The following AAGAB variants were observed in gnomAD, a reference collection of about 807,000 sequenced individuals.
AAGAB encodes alpha and gamma adaptin binding protein, also known as alpha- and gamma-adaptin-binding protein p34.
In AAGAB, 38 loss-of-function variants were observed where a neutral mutation model predicts 44.1. The observed-to-expected ratio is 0.86, with a 90% confidence interval of 0.67 to 1.13. AAGAB has a LOEUF of 1.13. Ranked by LOEUF, AAGAB falls within the 50% of genes most tolerant of loss-of-function variation. The pLI, the probability that AAGAB is intolerant of heterozygous loss-of-function variation, is 0.00. For missense variants in AAGAB, 450 were observed against 373.8 expected (o/e 1.20, Z -1.68); for synonymous variants, 131 against 131.8 (o/e 0.99, Z 0.04).
At chr15:67,216,834 T>C (rs1478334985) in intron 5 of AAGAB, among the ~76,000 whole-genome samples, 24 of 151,944 alleles carry the variant, frequency 1.6e-4, no homozygotes, top group Non-Finnish European at 7.4e-5. Flanking sequence ...AAGAAAGTAC[T>C]AAAAAAGTTT....
chr15:67,204,130 T>A lies in AAGAB; in HGVS notation c.734A>T (p.Asp245Val). The change falls in exon 8 of 10, where the codon GAT becomes GTT. Residue 245 changes from aspartate to valine, a missense_variant. Transcript: ENST00000261880. Reference protein sequence around the residue: ...DSIVDPMLDLDIQELASLTTG... With the variant: ...DSIVDPMLDLVIQELASLTTG... Reference sequence around the variant, plus strand: ...GGTAAGACTGGCTAATTCTTGAATATCCAGATCTAACATGGGATCTGAAAT... The same window carrying A: ...GGTAAGACTGGCTAATTCTTGAATAACCAGATCTAACATGGGATCTGAAAT... The A allele has an allele frequency of 6.2e-7, 1 of 1,608,408 alleles. No individual in the cohort carries two copies.
chr15:67,226,018 T>A (rs1369411975), intron 5 of AAGAB, among the ~76,000 whole-genome samples: 1 of 152,238 alleles, frequency 6.6e-6, no homozygotes, highest in Admixed American at 6.5e-5. Flanking sequence ...TTTCTCCATA[T>A]CCTCACCAAC....
chr15:67,229,941 G>T (rs1964296235), intron 5 of AAGAB, among the ~76,000 whole-genome samples: 1 of 151,980 alleles, frequency 6.6e-6, no homozygotes, highest in African/African-American at 2.4e-5. Flanking sequence ...CTGACTCCCT[G>T]GTTCAAGTGA....
chr15:67,241,203 C>T (rs1376876613), intron 1 of AAGAB, among the ~76,000 whole-genome samples: 1 of 152,108 alleles, frequency 6.6e-6, no homozygotes, highest in African/African-American at 2.4e-5. Flanking sequence ...GTGTCTCCTT[C>T]AGTAGTAGGG....
intron 1 of AAGAB, among the ~76,000 whole-genome samples, chr15:67,249,510 CTCT>C (rs1281376342): frequency 3.0e-4 from 45 of 152,236 alleles, no homozygotes; most frequent in East Asian, 7.7e-4. Flanking sequence ...ATGCATAATG[CTCT>C]TTTTTAATAT....
At chr15:67,248,414 G>A (rs2140398233) in intron 1 of AAGAB, among the ~76,000 whole-genome samples, 1 of 152,160 alleles carries the variant, frequency 6.6e-6, no homozygotes. Flanking sequence ...CCAATCAAAG[G>A]CAGAATCCTC....
At chr15:67,235,487 C>T (rs890482759) in intron 4 of AAGAB, among the ~76,000 whole-genome samples, 3 of 151,906 alleles carry the variant, frequency 2.0e-5, no homozygotes, top group Admixed American at 1.3e-4. Flanking sequence ...CGGAGGACAG[C>T]GATTGCAGAG....
chr15:67,220,251 C>T (rs553456680), intron 5 of AAGAB, among the ~76,000 whole-genome samples: 32 of 152,266 alleles, frequency 2.1e-4, no homozygotes, highest in African/African-American at 7.7e-4. Flanking sequence ...ATCATCATTT[C>T]CACACAGTCT....
intron 1 of AAGAB, among the ~76,000 whole-genome samples, chr15:67,251,638 C>T (rs1417080637): frequency 6.6e-6 from 1 of 152,062 alleles, no homozygotes; most frequent in Non-Finnish European, 1.5e-5. Flanking sequence ...ATCAGATGTC[C>T]AAAGAAAGAG....
intron 7 of AAGAB, 32 bp from the exon 8 acceptor site, chr15:67,204,180 C>A: frequency 6.9e-7 from 1 of 1,445,420 alleles, no homozygotes; most frequent in Non-Finnish European, 9.7e-7. Context: ...TTATCTGTCA[C>A]GTTATTTGCA....
chr15:67,239,841 T>C (rs1248461235), intron 1 of AAGAB, among the ~76,000 whole-genome samples: 1 of 152,360 alleles, frequency 6.6e-6, no homozygotes, highest in East Asian at 1.9e-4. Flanking sequence ...GTTTATTCTT[T>C]TCCAAATTAA....
chr15:67,204,142 A>G lies in AAGAB; in HGVS notation c.722T>C (p.Met241Thr), dbSNP rs368693236. 4.1e-5 allele frequency: 66 copies of G among 1,594,200 alleles called. No individual in the cohort carries two copies. The East Asian group carries it at 1.3e-3, about 32-fold the overall frequency. Residue 241 changes from methionine (M) to threonine (T), a missense_variant, in exon 8 of 10, where the codon ATG becomes ACG. Physicochemically the swap from Met to Thr is moderately conservative, Grantham distance 81. Transcript: ENST00000261880. ...DAQVDSIVDP[M>T]LDLDIQELAS... ...TAATTCTTGAATATCCAGATCTAAC[A>G]TGGGATCTGAAATAGGGATTTGTCA... is the stretch of plus-strand genomic sequence containing the variant.
At chr15:67,212,169 C>T (rs527489281) in intron 5 of AAGAB, among the ~76,000 whole-genome samples, 196 of 152,268 alleles carry the variant, frequency 1.3e-3, no homozygotes, top group African/African-American at 4.3e-3. Context: ...GCGTGAGCTA[C>T]GGCACCCGGC....
intron 5 of AAGAB, chr15:67,221,223 A>C (rs1964058119): frequency 6.6e-6 from 1 of 152,256 alleles, no homozygotes; most frequent in African/African-American, 2.4e-5. Context: ...AGTCATCAAA[A>C]TGAAAGCTAG....
In AAGAB at chr15:67,236,783, A is replaced by G. The variant is rs747981326; in HGVS notation, c.111T>C (p.Thr37=). ...LGTEDLIVEV[T]SNDAVRFYPW... Reference sequence around the variant, plus strand: ...GATAAAATCTCACAGCATCATTGGAAGTCACTTCCACAATAAGATCTTCTG... The same window carrying G: ...GATAAAATCTCACAGCATCATTGGAGGTCACTTCCACAATAAGATCTTCTG... The change falls in exon 2 of 10, where the codon ACT becomes ACC. Residue 37 remains threonine, a synonymous_variant. Coordinates refer to ENST00000261880, the MANE Select transcript of AAGAB (RefSeq NM_024666.5). The G allele has an allele frequency of 6.8e-6, 11 of 1,611,688 alleles. No homozygotes were observed. Among genetic ancestry groups the G allele is most frequent in the Non-Finnish European group, 9.3e-6 (11 of 1,179,158 alleles).
In AAGAB at chr15:67,202,646, G is replaced by GA. The variant is rs1414847404; in HGVS notation, c.*174dup. ...CCTCACTCTCTTACAATATACTGAG[G>GA]AAAAAAAAGATTTCTCCTTAACCTC... On this transcript the variant is annotated 3_prime_UTR_variant, in exon 10 of 10. Transcript: ENST00000261880. 17 of 606,272 alleles carry GA rather than the reference G, an allele frequency of 2.8e-5. No homozygotes were observed. The highest frequency in any genetic ancestry group is 3.7e-5 in the African/African-American group (2 of 53,730). The allele number at this position is 606,272 out of a possible 1,614,324, so 37.6% of individuals were successfully genotyped here. A position where few individuals can be genotyped will look rare whatever the true frequency, so the allele number is the denominator to read the frequency against.
At chr15:67,254,367 G>A in intron 1 of AAGAB, 192 bp downstream of exon 1, 5 of 1,378,526 alleles carry the variant, frequency 3.6e-6, no homozygotes, top group Non-Finnish European at 3.8e-6. Context: ...CGCCGAAGAA[G>A]GCCGAGTGGG....
Position 67,236,497 on chromosome 15 carries a change from C to T in AAGAB, c.272G>A (p.Gly91Asp). ...AAGCCATGAGGAGACACTATCAAGGCCCGATTTCTAGAGGGAACAAAAAAT... is the reference window on the plus strand; with the variant it reads ...AAGCCATGAGGAGACACTATCAAGGTCCGATTTCTAGAGGGAACAAAAAAT... Reference protein sequence around the residue: ...VVYFDSTQKSGLDSVSSWLPL... With the variant: ...VVYFDSTQKSDLDSVSSWLPL... Residue 91 changes from glycine to aspartate, a missense_variant, in exon 3 of 10, where the codon GGC (glycine) becomes GAC (aspartate). Gly to Asp is a moderately conservative substitution (Grantham distance 94). Coordinates refer to ENST00000261880, the MANE Select transcript of AAGAB (RefSeq NM_024666.5). 1.2e-6 allele frequency: 2 copies of T among 1,613,918 alleles called. No individual in the cohort carries two copies. The highest frequency in any genetic ancestry group is 1.7e-6 in the Non-Finnish European group (2 of 1,179,930).
rs1567037958 is a variant in AAGAB, at chr15:67,254,648, CG to C, written c.-18del. 4 of 1,600,136 alleles carry C rather than the reference CG, an allele frequency of 2.5e-6. No individual in the cohort carries two copies. Among genetic ancestry groups the C allele is most frequent in the Non-Finnish European group, 8.5e-7 (1 of 1,175,236 alleles). ...AGCAGCCATAGCTGCGCTCGCGAGC[CG>C]GTTCCGTCAGGCAGCCGCTTCCGCC... On this transcript the variant is annotated 5_prime_UTR_variant, in exon 1 of 10. Coordinates refer to ENST00000261880, the MANE Select transcript of AAGAB (RefSeq NM_024666.5).
Sources: allele counts gnomAD v4.1 joint callset (sites outside exome capture counted in the v4.1 genomes callset), GRCh38; gene constraint gnomAD v4.1.1; transcripts MANE v1.5; gene names NCBI Gene and HGNC (gene_info 2026-07-23, HGNC 2026-07-21).